The following CAMKK2 variants were observed in gnomAD, a reference collection of about 807,000 sequenced individuals.
The protein encoded by CAMKK2 is calcium/calmodulin-dependent protein kinase kinase 2.
A neutral mutation model predicts 67.2 loss-of-function variants in CAMKK2; 30 were observed. The observed-to-expected ratio is 0.45, with a 90% CI of 0.33 to 0.61. The LOEUF (loss-of-function observed/expected upper bound fraction) is 0.61, where lower values mean the gene tolerates loss of function less well. CAMKK2 is among the 20% of genes least tolerant of loss of function. The pLI is 0.02. For missense variants in CAMKK2, 643 were observed against 802.0 expected (o/e 0.80, Z 2.39); for synonymous variants, 322 against 326.2 (o/e 0.99, Z 0.14).
Position 121,240,287 on chromosome 12 carries a change from C to T in CAMKK2, c.*412G>A, listed in dbSNP as rs1888099465. 5 of 725,038 alleles carry T rather than the reference C, an allele frequency of 6.9e-6. No individual in the cohort carries two copies. Among genetic ancestry groups the T allele is most frequent in the Non-Finnish European group, 1.1e-5 (5 of 449,332 alleles). The allele number at this position is 725,038 out of a possible 1,614,324, so 44.9% of individuals were successfully genotyped here. A position where few individuals can be genotyped will look rare whatever the true frequency, so the allele number is the denominator to read the frequency against. On this transcript the variant is annotated 3_prime_UTR_variant, in exon 17 of 17. Transcript: ENST00000404169. This position sits in a 1 kb window ranked among gnomAD's most constrained non-coding sequence, Gnocchi z 4.4. ...CCTACTCCCTCTCAAATGCAGCAAC[C>T]ACCTCCATGGCCTCAGACCGCCGGA...
intron 7 of CAMKK2, 64 bp from the exon 8 acceptor site, chr12:121,255,868 C>T (rs1310107289): frequency 6.8e-7 from 1 of 1,467,696 alleles, no homozygotes; most frequent in Non-Finnish European, 9.5e-7. Context: ...TCTCTGTCCT[C>T]CCCACCTCCC....
At position 121,265,864 on chromosome 12, in the gene CAMKK2, CA is replaced by C. The variant is rs796770148; in HGVS notation, c.626-1926del. On this transcript the variant is annotated intron_variant, in intron 5 of 16. Transcript: ENST00000404169. ...AGAGTGAGACTCTGTGACTCCGTCT[CA>C]AAAAAAAAAAAGACCCCAAAGAGCT... Among the ~76,000 whole-genome samples, 441 of 135,610 alleles carry C rather than the reference CA, an allele frequency of 3.3e-3. 2 individuals carry two copies. The highest frequency in any genetic ancestry group is 6.5e-3 in the African/African-American group (240 of 36,856). The allele number at this position is 135,610 out of a possible 152,430, so 89.0% of individuals were successfully genotyped here. A position where few individuals can be genotyped will look rare whatever the true frequency, so the allele number is the denominator to read the frequency against.
intron 13 of CAMKK2, among the ~76,000 whole-genome samples, 197 bp from the exon 14 acceptor site, chr12:121,248,931 C>T (rs1459594224): frequency 1.3e-5 from 2 of 152,228 alleles, no homozygotes; most frequent in African/African-American, 4.8e-5. Context: ...ACGGGAGGAG[C>T]TACAAGGCTG....
intron 1 of CAMKK2, among the ~76,000 whole-genome samples, chr12:121,294,513 T>C (rs1406304481): frequency 6.6e-6 from 1 of 152,166 alleles, no homozygotes; most frequent in African/African-American, 2.4e-5. Context: ...CGGCAAACAC[T>C]GATGTAGTGA....
intron 4 of CAMKK2, 40 bp from the exon 5 acceptor site, chr12:121,268,729 G>A: frequency 6.2e-7 from 1 of 1,603,562 alleles, no homozygotes; most frequent in Non-Finnish European, 8.5e-7. Flanking sequence ...GCCAGGTCCT[G>A]TTTAAAGCAG....
intron 5 of CAMKK2, among the ~76,000 whole-genome samples, chr12:121,266,968 G>A (rs1257001892): frequency 7.1e-6 from 1 of 141,492 alleles, no homozygotes; most frequent in African/African-American, 2.5e-5. Context: ...TATAGGAGAA[G>A]GAAAGAGGTC....
At chr12:121,280,683 T>TGTCTCTTATG (rs1417755011) in intron 1 of CAMKK2, among the ~76,000 whole-genome samples, 7 of 152,308 alleles carry the variant, frequency 4.6e-5, no homozygotes, top group African/African-American at 1.7e-4. Flanking sequence ...GGGGCGTACC[T>TGTCTCTTATG]GTCTCTTATG....
chr12:121,281,122 T>C (rs1897703585), intron 1 of CAMKK2, among the ~76,000 whole-genome samples: 1 of 152,236 alleles, frequency 6.6e-6, no homozygotes, highest in Non-Finnish European at 1.5e-5. Context: ...TCTTTTGTAC[T>C]CTGTCCCTTT....
intron 6 of CAMKK2, among the ~76,000 whole-genome samples, chr12:121,262,608 G>A (rs546901403): frequency 6.3e-4 from 95 of 151,702 alleles, no homozygotes; most frequent in African/African-American, 2.1e-3. Flanking sequence ...TCCCAGGCTC[G>A]AGTGCAGTGG....
rs942728608 is a variant in CAMKK2, at chr12:121,240,765, G to A, written c.1701C>T (p.Ala567=). 5.6e-6 allele frequency: 9 copies of A among 1,608,744 alleles called. No homozygotes were observed. Among genetic ancestry groups the A allele is most frequent in the Non-Finnish European group, 7.6e-6 (9 of 1,178,818 alleles). Reference sequence around the variant, plus strand: ...TGCGTGCGGGGGAGCCGGGGGCGGGGGCCCAGCAACTTTCCACGCAGGGAC... The same window carrying A: ...TGCGTGCGGGGGAGCCGGGGGCGGGAGCCCAGCAACTTTCCACGCAGGGAC... ...RGSPCVESCW[A]PAPGSPARMH... The change falls in exon 17 of 17, where the codon GCC becomes GCT. Residue 567 remains alanine (A), a synonymous_variant. Coordinates refer to ENST00000404169, the MANE Select transcript of CAMKK2 (RefSeq NM_001270485.2). The surrounding 1 kb of genome is among the most constrained non-coding windows in gnomAD (Gnocchi z 4.4).
intron 16 of CAMKK2, among the ~76,000 whole-genome samples, chr12:121,243,021 C>T (rs1429494096): frequency 2.6e-5 from 4 of 151,848 alleles, no homozygotes; most frequent in Non-Finnish European, 4.4e-5. Flanking sequence ...GGATTACAGG[C>T]GTGAGCCACC....
rs919970742 is a variant in CAMKK2 at position 121,240,487 on chromosome 12, C to T, written c.*212G>A. 4 of 1,535,802 alleles carry T rather than the reference C, an allele frequency of 2.6e-6. No individual in the cohort carries two copies. The highest frequency in any genetic ancestry group is 2.6e-6 in the Non-Finnish European group (3 of 1,146,890). On this transcript the variant is annotated 3_prime_UTR_variant, in exon 17 of 17. Coordinates refer to ENST00000404169, the MANE Select transcript of CAMKK2 (RefSeq NM_001270485.2). This position sits in a 1 kb window ranked among gnomAD's most constrained non-coding sequence, Gnocchi z 4.4. Reference sequence around the variant, plus strand: ...AACTCCTCACACCCGCCTGTCCAGCCAGCCAGCGGCCACGGTCGACGTCAT... The same window carrying T: ...AACTCCTCACACCCGCCTGTCCAGCTAGCCAGCGGCCACGGTCGACGTCAT...
chr12:121,293,175 G>C (rs554649175), intron 1 of CAMKK2, among the ~76,000 whole-genome samples: 2 of 152,218 alleles, frequency 1.3e-5, no homozygotes, highest in African/African-American at 4.8e-5. Flanking sequence ...CACTCGGGAG[G>C]CTGAGGCAGG....
chr12:121,252,895 C>T (rs1273040647), intron 10 of CAMKK2, among the ~76,000 whole-genome samples, 181 bp from the exon 11 acceptor site: 1 of 152,148 alleles, frequency 6.6e-6, no homozygotes. Flanking sequence ...GCACCACTAC[C>T]CCCAGCCACA....
intron 11 of CAMKK2, among the ~76,000 whole-genome samples, chr12:121,250,643 C>T (rs1890533750): frequency 6.6e-6 from 1 of 152,142 alleles, no homozygotes; most frequent in South Asian, 2.1e-4. Context: ...CTCATCGTAG[C>T]ACTTATCCCT....
chr12:121,268,529 G>T, intron 5 of CAMKK2, 109 bp downstream of exon 5: 1 of 1,044,998 alleles, frequency 9.6e-7, no homozygotes, highest in Non-Finnish European at 1.5e-6. Context: ...CAAGTAGCTG[G>T]AACTACAGGC....
intron 5 of CAMKK2, among the ~76,000 whole-genome samples, chr12:121,264,608 A>G (rs1002976433): frequency 2.0e-5 from 3 of 152,072 alleles, no homozygotes; most frequent in Admixed American, 1.3e-4. Context: ...CACTGTCTCG[A>G]CTAAAAATAC....
intron 5 of CAMKK2, among the ~76,000 whole-genome samples, chr12:121,265,880 C>T (rs1894426691): frequency 6.6e-6 from 1 of 151,782 alleles, no homozygotes; most frequent in Non-Finnish European, 1.5e-5. Flanking sequence ...AAAAAAAGAC[C>T]CCAAAGAGCT....
chr12:121,244,607 G>A lies in CAMKK2; in HGVS notation c.1562C>T (p.Pro521Leu). The change falls in exon 16 of 17, where the codon CCA becomes CTA. Residue 521 changes from proline to leucine, a missense_variant. Physicochemically the swap from Pro to Leu is moderately conservative, Grantham distance 98 (BLOSUM62 -3). Transcript: ENST00000404169. The stretch of plus-strand genomic sequence containing the variant: ...AGACAGGGACTCACATTCCCTGGTT[G>A]GTTTTTTGCTGGAATCACCAGAGGG... ...SAPGNLLTKKPTRECESLSEL... is the reference protein window; with the variant it reads ...SAPGNLLTKKLTRECESLSEL... 6.4e-7 allele frequency: 1 copy of A among 1,564,684 alleles called. No homozygotes were observed. Among genetic ancestry groups the A allele is most frequent in the Non-Finnish European group, 8.7e-7 (1 of 1,154,190 alleles).
Sources: gnomAD v4.1 joint callset for allele counts (sites outside exome capture counted in the v4.1 genomes callset) on GRCh38, gnomAD v4.1.1 for gene constraint, Gnocchi (gnomAD v3.1) non-coding constraint, MANE v1.5 for transcripts, NCBI Gene and HGNC (gene_info 2026-07-23, HGNC 2026-07-21) for gene names.